The following JAG1 variants were observed in gnomAD, a reference collection of about 807,000 sequenced individuals.
The protein encoded by JAG1 is protein jagged-1.
Under a neutral mutation model 148.7 loss-of-function variants are expected in JAG1, and 23 were observed. The observed-to-expected ratio is 0.15, with a 90% confidence interval of 0.11 to 0.22. The LOEUF (loss-of-function observed/expected upper bound fraction) is 0.22. Among genes scored for constraint, JAG1 ranks in the 10% least tolerant of loss-of-function variants. The pLI, the probability that JAG1 is intolerant of heterozygous loss-of-function variation, is 1.00. For missense variants in JAG1, 1,054 were observed against 1,611.2 expected (o/e 0.65, Z 5.92); for synonymous variants, 572 against 598.3 (o/e 0.96, Z 0.64).
intron 2 of JAG1, among the ~76,000 whole-genome samples, chr20:10,669,079 G>A (rs773234740): frequency 1.3e-5 from 2 of 152,108 alleles, no homozygotes; most frequent in Non-Finnish European, 2.9e-5. Context: ...CATTTTTGGA[G>A]CAGCTATTCT....
At chr20:10,642,432 T>C in intron 21 of JAG1, 56 bp downstream of exon 21, 1 of 1,018,726 alleles carries the variant, frequency 9.8e-7, no homozygotes. Context: ...AAATGGTGAC[T>C]GCAAAGCTCG....
chr20:10,667,555 C>T (rs762339453), intron 2 of JAG1, among the ~76,000 whole-genome samples: 1 of 152,158 alleles, frequency 6.6e-6, no homozygotes. Context: ...GCACACAATG[C>T]GAGTGGGTTT....
At chr20:10,669,334 C>A (rs553328942) in intron 2 of JAG1, among the ~76,000 whole-genome samples, 36 of 151,834 alleles carry the variant, frequency 2.4e-4, no homozygotes, top group Non-Finnish European at 5.0e-4. Flanking sequence ...GGAGGCAGGT[C>A]AAATCAGAAC....
rs964989968 is a variant in JAG1, at chr20:10,638,968, G to A, written c.*530C>T. The A allele has an allele frequency of 3.2e-5, 5 of 154,862 alleles. No individual in the cohort carries two copies. The highest frequency in any genetic ancestry group is 1.2e-4 in the African/African-American group (5 of 41,278). 9.6% of individuals were successfully genotyped at this position (154,862 alleles called of 1,614,324 possible). ...TAAATTCTTCATTTTACCAGCAACT[G>A]CTGACATCAAAGTCTCCCCTCCCCC... On this transcript the variant is annotated 3_prime_UTR_variant, in exon 26 of 26. Transcript: ENST00000254958.
At chr20:10,646,914 C>T in intron 14 of JAG1, 25 bp downstream of exon 14, 1 of 1,612,354 alleles carries the variant, frequency 6.2e-7, no homozygotes. Flanking sequence ...GAGCACTGGT[C>T]CATTCCCGGA....
At chr20:10,653,572 CGTGGAGGGTGGAGG>C (rs373116622) in intron 5 of JAG1, among the ~76,000 whole-genome samples, 2 of 47,218 alleles carry the variant, frequency 4.2e-5, no homozygotes, top group East Asian at 5.1e-4. Context: ...CCCGGTGGAG[CGTGGAGGGTGGAGG>C]GTGGAGGGTG....
At chr20:10,650,551 C>G in intron 8 of JAG1, 191 bp from the exon 9 acceptor site, 5 of 587,990 alleles carry the variant, frequency 8.5e-6, no homozygotes, top group Non-Finnish European at 1.5e-5. Flanking sequence ...AAATCCCCCA[C>G]TGCCCCAGTT....
chr20:10,644,819 T>C, intron 18 of JAG1, 44 bp downstream of exon 18: 1 of 1,382,924 alleles, frequency 7.2e-7, no homozygotes, highest in Non-Finnish European at 1.0e-6. Context: ...TGTCAGGATC[T>C]GCTCCGACAG....
At chr20:10,672,366 A>T (rs1401144867) in intron 2 of JAG1, among the ~76,000 whole-genome samples, 1 of 152,160 alleles carries the variant, frequency 6.6e-6, no homozygotes, top group Non-Finnish European at 1.5e-5. Flanking sequence ...GATCAGCTAC[A>T]ACGATCTCTT....
At chr20:10,659,958 C>T (rs1252519897) in intron 3 of JAG1, among the ~76,000 whole-genome samples, 2 of 152,190 alleles carry the variant, frequency 1.3e-5, no homozygotes, top group Non-Finnish European at 2.9e-5. Flanking sequence ...ACTAAATCAG[C>T]ACCCCAACCT....
In JAG1 at chr20:10,652,261, G is replaced by C; in HGVS notation, c.887-11C>G. 6.2e-7 allele frequency: 1 copy of C among 1,613,934 alleles called. No homozygotes were observed. The highest frequency in any genetic ancestry group is 1.1e-5 in the South Asian group (1 of 91,060). On this transcript the variant is annotated splice_polypyrimidine_tract_variant and intron_variant, in intron 6 of 25. Coordinates refer to ENST00000254958, the MANE Select transcript of JAG1 (RefSeq NM_000214.3). ...CACAGTAATTGAGATCTGCCAAAAA[G>C]ATCCTGGAGTCACTAAGAGACGCCT...
intron 21 of JAG1, 118 bp downstream of exon 21, chr20:10,642,370 G>C (rs1270119249): frequency 1.5e-6 from 1 of 685,812 alleles, no homozygotes; most frequent in South Asian, 1.5e-5. Flanking sequence ...TTCCCTTGTA[G>C]TCCCACTGTG....
In JAG1 at chr20:10,672,698, C is replaced by T; in HGVS notation, c.387+3G>A. The T allele has an allele frequency of 6.2e-7, 1 of 1,612,512 alleles. No individual in the cohort carries two copies. Among genetic ancestry groups the T allele is most frequent in the South Asian group, 1.1e-5 (1 of 91,086 alleles). Reference sequence around the variant, plus strand: ...CCGGCCTCCTTCCCGAGTAGTCACTCACCGGCCAGGCGAAACTGAAAGGCA... The same window carrying T: ...CCGGCCTCCTTCCCGAGTAGTCACTTACCGGCCAGGCGAAACTGAAAGGCA... On this transcript the variant is annotated splice_donor_region_variant and intron_variant, in intron 2 of 25. Coordinates refer to ENST00000254958, the MANE Select transcript of JAG1 (RefSeq NM_000214.3).
chr20:10,655,925 A>G (rs1446957832), intron 5 of JAG1, among the ~76,000 whole-genome samples: 11 of 152,156 alleles, frequency 7.2e-5, no homozygotes, highest in Admixed American at 7.2e-4. Context: ...TTAACCTCTC[A>G]GCACCAACCC....
At chr20:10,641,067 C>T in intron 24 of JAG1, 46 bp downstream of exon 24, 1 of 1,613,744 alleles carries the variant, frequency 6.2e-7, no homozygotes. Context: ...GTTAACCGAA[C>T]TGCCTTGCCA....
In JAG1 at chr20:10,638,083, C is replaced by A. The variant is rs1300664286; in HGVS notation, c.*1415G>T. The A allele has an allele frequency of 1.3e-5, 2 of 152,738 alleles. No homozygotes were observed. Among genetic ancestry groups the A allele is most frequent in the South Asian group, 2.1e-4 (1 of 4,818 alleles). The allele number at this position is 152,738 out of a possible 1,614,324, so 9.5% of individuals were successfully genotyped here. A position where few individuals can be genotyped will look rare whatever the true frequency, so the allele number is the denominator to read the frequency against. ...TTCATATAACACTAATAGGACAATA[C>A]AAAGTATCTTCACGGTCTCAATGGT... On this transcript the variant is annotated 3_prime_UTR_variant, in exon 26 of 26. Transcript: ENST00000254958.
chr20:10,661,662 T>C (rs768757780), intron 3 of JAG1, among the ~76,000 whole-genome samples: 2 of 152,066 alleles, frequency 1.3e-5, no homozygotes, highest in Non-Finnish European at 2.9e-5. Flanking sequence ...AGTGGTTGGT[T>C]TTTCATAATA....
In JAG1 at chr20:10,640,921, T is replaced by C. The variant is rs757261841; in HGVS notation, c.3061A>G (p.Ile1021Val). 6.2e-7 allele frequency: 1 copy of C among 1,614,204 alleles called. No individual in the cohort carries two copies. Among genetic ancestry groups the C allele is most frequent in the South Asian group, 1.1e-5 (1 of 91,082 alleles). ...TTGATCGGGTTCCCATCATCCCGTA[T>C]ATCTTCAGCAGACTGGAAAAACAAT... Reference protein sequence around the residue: ...EIHVAISAEDIRDDGNPIKEI... With the variant: ...EIHVAISAEDVRDDGNPIKEI... Residue 1021 changes from isoleucine to valine, a missense_variant, in exon 25 of 26, where the codon ATA becomes GTA. Transcript: ENST00000254958.
rs143719075 is a variant in JAG1, at chr20:10,659,112, T to A, written c.440-390A>T. Among the ~76,000 whole-genome samples, 1,514 of 152,288 alleles carry A rather than the reference T, an allele frequency of 9.9e-3. 11 individuals are homozygous for A. The highest frequency in any genetic ancestry group is 0.02 in the Middle Eastern group (6 of 294). On this transcript the variant is annotated intron_variant, in intron 3 of 25. Coordinates refer to ENST00000254958, the MANE Select transcript of JAG1 (RefSeq NM_000214.3). The stretch of plus-strand genomic sequence containing the variant: ...TGAATCAGAGTCCGTGCACAACAAA[T>A]CAACCTCTGTCCACAGTCTCAAACT...
Sources: gnomAD v4.1 joint callset for allele counts (sites outside exome capture counted in the v4.1 genomes callset) on GRCh38, gnomAD v4.1.1 for gene constraint, MANE v1.5 for transcripts, NCBI Gene and HGNC (gene_info 2026-07-23, HGNC 2026-07-21) for gene names.